TBC1D14: variants seen among roughly 807,000 people sequenced by gnomAD.
The protein encoded by TBC1D14 is TBC1 domain family member 14, also known as TBC1 domain family, member 14.
In TBC1D14, 26 loss-of-function variants were observed where a neutral mutation model predicts 79.0. The ratio of observed to expected loss-of-function variants is 0.33; its 90% CI spans 0.24 to 0.46. The LOEUF is 0.46. Ranked by LOEUF, TBC1D14 falls within the 20% of genes least tolerant of loss-of-function variation. The pLI is 1.00. For missense variants in TBC1D14, 769 were observed against 887.6 expected, an observed-to-expected ratio of 0.87 and a Z score of 1.70; for synonymous variants, 394 against 349.9, an observed-to-expected ratio of 1.13 and a Z score of -1.40.
chr4:7,015,762 T>C (rs976840075), intron 12 of TBC1D14, among the ~76,000 whole-genome samples: 3 of 152,178 alleles, frequency 2.0e-5, no homozygotes, highest in Admixed American at 2.0e-4. Context: ...CCTTGTGGTC[T>C]TGGGGAAGGC....
At chr4:6,944,184 T>A (rs1360356752) in intron 2 of TBC1D14, among the ~76,000 whole-genome samples, 6 of 152,236 alleles carry the variant, frequency 3.9e-5, no homozygotes, top group Non-Finnish European at 8.8e-5. Flanking sequence ...CTTTTTTTAT[T>A]TCCTTGCAGA....
intron 13 of TBC1D14, among the ~76,000 whole-genome samples, chr4:7,028,865 C>T (rs913814188): frequency 2.6e-5 from 4 of 151,520 alleles, no homozygotes; most frequent in Non-Finnish European, 5.9e-5. Flanking sequence ...GAGACAGAGT[C>T]TCACTCTCAT....
At chr4:6,917,343 A>G (rs1349299663) in intron 1 of TBC1D14, among the ~76,000 whole-genome samples, 2 of 152,218 alleles carry the variant, frequency 1.3e-5, no homozygotes, top group African/African-American at 2.4e-5. Context: ...CATAGAATGC[A>G]GTGGGGAGAG....
chr4:6,999,054 G>T (rs1719385518), intron 5 of TBC1D14, 31 bp from the exon 6 acceptor site: 1 of 1,605,864 alleles, frequency 6.2e-7, no homozygotes, highest in Non-Finnish European at 8.5e-7. Flanking sequence ...TCAGTTAGTA[G>T]ATTGTTGTTT....
chr4:7,017,477 T>G (rs1721400466), intron 12 of TBC1D14, among the ~76,000 whole-genome samples: 1 of 152,094 alleles, frequency 6.6e-6, no homozygotes, highest in South Asian at 2.1e-4. Context: ...GTGTCACCCA[T>G]AAGATGGGTC....
chr4:7,011,080 C>G (rs1720720274), intron 11 of TBC1D14, among the ~76,000 whole-genome samples: 1 of 152,170 alleles, frequency 6.6e-6, no homozygotes, highest in Non-Finnish European at 1.5e-5. Flanking sequence ...CCTGCTTAAA[C>G]TTAACACACA....
chr4:6,936,104 A>G (rs539677713), intron 2 of TBC1D14, among the ~76,000 whole-genome samples: 1 of 152,330 alleles, frequency 6.6e-6, no homozygotes, highest in South Asian at 2.1e-4. Flanking sequence ...TCAGCAGCCC[A>G]CACTGGAGGA....
At position 7,001,158 on chromosome 4, in the gene TBC1D14, A is replaced by C; in HGVS notation, c.1177A>C (p.Lys393Gln). The change falls in exon 7 of 14, where the codon AAA becomes CAA. Residue 393 changes from lysine (K) to glutamine (Q), a missense_variant. Physicochemically the swap from Lys to Gln is moderately conservative, Grantham distance 53. Around this residue, in one of 2 missense-constraint regions of TBC1D14, gnomAD observed 367 missense variants for 494.4 expected, o/e 0.74. Coordinates refer to ENST00000409757, the MANE Select transcript of TBC1D14 (RefSeq NM_020773.3). The part of the protein sequence containing the change: ...PNWETMWCSR[K>Q]VRDLWWQGIP... ...GTTTTTGTCCAGGTGGTGCTCTAGA[A>C]AAGTTCGAGATTTATGGTGGCAGGG... 1.9e-6 allele frequency: 3 copies of C among 1,614,040 alleles called. No homozygotes were observed. Among genetic ancestry groups the C allele is most frequent in the Non-Finnish European group, 2.5e-6 (3 of 1,179,984 alleles).
chr4:6,932,856 G>A (rs1445445076), intron 2 of TBC1D14, among the ~76,000 whole-genome samples: 1 of 152,118 alleles, frequency 6.6e-6, no homozygotes, highest in Non-Finnish European at 1.5e-5. Flanking sequence ...CACATTTGGT[G>A]GCTTGAAACA....
At chr4:7,000,712 C>T (rs1407509434) in intron 6 of TBC1D14, among the ~76,000 whole-genome samples, 4 of 151,932 alleles carry the variant, frequency 2.6e-5, no homozygotes, top group Non-Finnish European at 5.9e-5. Context: ...CGTCTGCTGA[C>T]TCTCTGCTGG....
intron 3 of TBC1D14, among the ~76,000 whole-genome samples, chr4:6,967,794 T>G (rs1236576866): frequency 6.6e-6 from 1 of 152,260 alleles, no homozygotes; most frequent in African/African-American, 2.4e-5. Flanking sequence ...GTGGGTTTCT[T>G]GGAGCTCACA....
intron 2 of TBC1D14, among the ~76,000 whole-genome samples, chr4:6,939,107 C>CA (rs1024410185): frequency 1.3e-5 from 2 of 152,222 alleles, no homozygotes; most frequent in Non-Finnish European, 2.9e-5. Flanking sequence ...CTCTGCCACC[C>CA]ACTCCCTCTG....
intron 1 of TBC1D14, among the ~76,000 whole-genome samples, chr4:6,918,530 G>C (rs1294675249): frequency 1.3e-5 from 2 of 152,188 alleles, no homozygotes; most frequent in East Asian, 3.9e-4. Flanking sequence ...TTTGTCCTCA[G>C]ACCAGCCTGT....
intron 12 of TBC1D14, among the ~76,000 whole-genome samples, chr4:7,014,935 G>A (rs1466888026): frequency 6.6e-6 from 1 of 152,234 alleles, no homozygotes; most frequent in Non-Finnish European, 1.5e-5. Context: ...CACTGTCCAC[G>A]TGAGATGAGT....
At chr4:7,014,347 A>G in intron 11 of TBC1D14, 101 bp from the exon 12 acceptor site, 1 of 698,274 alleles carries the variant, frequency 1.4e-6, no homozygotes, top group Admixed American at 2.4e-5. Context: ...ATTACAGAAG[A>G]AGGTAATTGT....
chr4:6,913,624 C>A (rs186705903), intron 1 of TBC1D14, among the ~76,000 whole-genome samples: 2 of 152,268 alleles, frequency 1.3e-5, no homozygotes, highest in East Asian at 3.9e-4. Context: ...GATGGCATCC[C>A]GCATGCTTGG....
In TBC1D14 at chr4:7,009,842, T is replaced by C. The variant is rs772596868; in HGVS notation, c.1447-35T>C. ...TTCGTCTGAGCACTAACAGTACTCA[T>C]GCATGTGTTGTTTTTGCTGTGTTGA... is the stretch of plus-strand genomic sequence containing the variant. On this transcript the variant is annotated intron_variant, in intron 9 of 13. Coordinates refer to ENST00000409757, the MANE Select transcript of TBC1D14 (RefSeq NM_020773.3). The C allele has an allele frequency of 5.6e-6, 9 of 1,608,992 alleles. No individual in the cohort carries two copies. In the Middle Eastern group the frequency reaches 6.6e-4, roughly 118 times the overall value.
At chr4:6,978,738 T>TAAAAAAAAAA in intron 3 of TBC1D14, among the ~76,000 whole-genome samples, 1 of 108,482 alleles carries the variant, frequency 9.2e-6, no homozygotes, top group Non-Finnish European at 1.9e-5. Context: ...AATGATCAAT[T>TAAAAAAAAAA]AAAAAAAAAA....
intron 1 of TBC1D14, among the ~76,000 whole-genome samples, chr4:6,913,400 C>T (rs1304065384): frequency 6.6e-6 from 1 of 152,168 alleles, no homozygotes; most frequent in Non-Finnish European, 1.5e-5. Context: ...GGTGAATATA[C>T]CTTTTGGGCA....
Sources: allele counts gnomAD v4.1 joint callset (sites outside exome capture counted in the v4.1 genomes callset), GRCh38; gene constraint gnomAD v4.1.1; regional missense constraint gnomAD v4.1.1; transcripts MANE v1.5; gene names NCBI Gene and HGNC (gene_info 2026-07-23, HGNC 2026-07-21).